The following RBM33 variants were observed in gnomAD, a reference collection of about 807,000 sequenced individuals.
The protein encoded by RBM33 is RNA binding motif protein 33, also known as RNA-binding protein 33.
In RBM33, 28 loss-of-function variants were observed where a neutral mutation model predicts 132.6. That is an observed-to-expected ratio of 0.21 (90% CI 0.16 to 0.29). The LOEUF is 0.29. Among genes scored for constraint, RBM33 ranks in the 10% least tolerant of loss-of-function variants. RBM33 has a pLI of 1.00. For synonymous variants in RBM33, 634 were observed against 593.0 expected (o/e 1.07, Z -1.01); for missense variants, 1,291 against 1,518.5 (o/e 0.85, Z 2.49).
chr7:155,707,254 C>G (rs1372214504), intron 7 of RBM33, 186 bp downstream of exon 7: 2 of 696,022 alleles, frequency 2.9e-6, no homozygotes, highest in African/African-American at 3.5e-5. Context: ...AAATTCAGCA[C>G]TCCAGTCATC....
At position 155,645,537 on chromosome 7, in the gene RBM33, A is replaced by G. The variant is rs114177262; in HGVS notation, c.43+618A>G. On this transcript the variant is annotated intron_variant, in intron 1 of 17. Coordinates refer to ENST00000401878, the MANE Select transcript of RBM33 (RefSeq NM_053043.3). Reference sequence around the variant, plus strand: ...TCTTCCAAAAGTGAAAACGTGACACAAAAGGTTTAGATACTGAGTCAGTTC... The same window carrying G: ...TCTTCCAAAAGTGAAAACGTGACACGAAAGGTTTAGATACTGAGTCAGTTC... 7.0e-3 allele frequency among the ~76,000 whole-genome samples: 1,068 copies of G among 152,356 alleles called. 18 individuals carry two copies. Among genetic ancestry groups the G allele is most frequent in the African/African-American group, 0.024 (1,005 of 41,580 alleles).
At chr7:155,696,110 CTGT>C (rs1799787486) in intron 5 of RBM33, among the ~76,000 whole-genome samples, 1 of 152,020 alleles carries the variant, frequency 6.6e-6, no homozygotes, top group Non-Finnish European at 1.5e-5. Context: ...TCTGTTGTTT[CTGT>C]TGTTTTTGTA....
chr7:155,656,375 A>AG (rs34838798), intron 1 of RBM33, among the ~76,000 whole-genome samples: 102,636 of 152,090 alleles, frequency 0.67, 35,036 homozygotes, highest in South Asian at 0.76. Context: ...TTAACATAAC[A>AG]GGTATGAAAT....
intron 9 of RBM33, among the ~76,000 whole-genome samples, chr7:155,731,857 A>C (rs1800965485): frequency 6.6e-6 from 1 of 152,212 alleles, no homozygotes; most frequent in African/African-American, 2.4e-5. Context: ...TTTTCTAAGA[A>C]ATGGAGTTTT....
chr7:155,685,996 A>G lies in RBM33; in HGVS notation c.567+5088A>G, dbSNP rs1799467247. 5.3e-5 allele frequency among the ~76,000 whole-genome samples: 8 copies of G among 152,334 alleles called. No individual in the cohort carries two copies. In the South Asian group the frequency reaches 1.7e-3, roughly 32 times the overall value. ...GTGTATGCTGTGCACATTACAAAAC[A>G]GAAGTACTTCTTGCACATACCCTTT... is the stretch of plus-strand genomic sequence containing the variant. On this transcript the variant is annotated intron_variant, in intron 5 of 17. Coordinates refer to ENST00000401878, the MANE Select transcript of RBM33 (RefSeq NM_053043.3).
intron 9 of RBM33, among the ~76,000 whole-genome samples, chr7:155,724,991 TGTGTG>T (rs1259451488): frequency 2.1e-4 from 11 of 51,568 alleles, no homozygotes; most frequent in African/African-American, 3.5e-4. Flanking sequence ...TGTACAGGTT[TGTGTG>T]TGTGTGTGTG....
chr7:155,762,166 C>T (rs1355512195), intron 14 of RBM33, among the ~76,000 whole-genome samples: 1 of 152,184 alleles, frequency 6.6e-6, no homozygotes, highest in African/African-American at 2.4e-5. Flanking sequence ...GAGAGCCCAT[C>T]TAGGCCTTCT....
intron 14 of RBM33, among the ~76,000 whole-genome samples, chr7:155,757,270 G>A (rs4716550): frequency 0.065 from 9,816 of 152,132 alleles, 478 homozygotes; most frequent in African/African-American, 0.14. Context: ...ATTCTAGTGT[G>A]AACTGGAGTA....
intron 2 of RBM33, among the ~76,000 whole-genome samples, chr7:155,670,172 G>A (rs10807653): frequency 0.74 from 112,648 of 152,188 alleles, 41,947 homozygotes; most frequent in South Asian, 0.8. Context: ...CTCATTGTCT[G>A]TAAGCTTTAA....
At chr7:155,740,280 T>C (rs1801287499) in intron 12 of RBM33, among the ~76,000 whole-genome samples, 1 of 152,234 alleles carries the variant, frequency 6.6e-6, no homozygotes, top group Non-Finnish European at 1.5e-5. Context: ...GCATCTTTCT[T>C]GTATCTAGAT....
intron 1 of RBM33, among the ~76,000 whole-genome samples, chr7:155,661,146 A>ATAT (rs1421586760): frequency 1.7e-4 from 14 of 81,188 alleles, no homozygotes; most frequent in African/African-American, 5.4e-4. Flanking sequence ...ATATATATAT[A>ATAT]TTTTTTTTTT....
chr7:155,722,287 G>C (rs916679130), intron 9 of RBM33, among the ~76,000 whole-genome samples: 3 of 152,134 alleles, frequency 2.0e-5, no homozygotes, highest in African/African-American at 7.2e-5. Flanking sequence ...TTCTGGTCTG[G>C]CCTCTTAACC....
chr7:155,676,870 C>T (rs1168467500), intron 3 of RBM33, among the ~76,000 whole-genome samples: 2 of 152,288 alleles, frequency 1.3e-5, no homozygotes, highest in South Asian at 4.1e-4. Context: ...GTTGAATAAT[C>T]CTCAAAGGAG....
intron 5 of RBM33, among the ~76,000 whole-genome samples, chr7:155,695,491 A>T (rs1435672566): frequency 6.6e-6 from 1 of 151,794 alleles, no homozygotes; most frequent in Non-Finnish European, 1.5e-5. Flanking sequence ...ACAGAGTCTC[A>T]CTCTGGCGCC....
At chr7:155,671,989 CAG>C (rs1186614187) in intron 2 of RBM33, among the ~76,000 whole-genome samples, 4 of 152,114 alleles carry the variant, frequency 2.6e-5, no homozygotes, top group African/African-American at 4.8e-5. Flanking sequence ...TCATTTAAAA[CAG>C]AAATATGCTA....
intron 3 of RBM33, among the ~76,000 whole-genome samples, chr7:155,673,409 T>G (rs7456961): frequency 0.023 from 284 of 12,122 alleles, 14 homozygotes; most frequent in Non-Finnish European, 0.053. Flanking sequence ...ATATTGTGTG[T>G]GTGTGTGTGT....
intron 16 of RBM33, among the ~76,000 whole-genome samples, chr7:155,772,117 AG>A (rs1242366537): frequency 6.6e-6 from 1 of 152,240 alleles, no homozygotes; most frequent in Non-Finnish European, 1.5e-5. Context: ...GCTCTGCTGC[AG>A]TATTGGCAGC....
chr7:155,718,853 G>T (rs1479253972), intron 9 of RBM33, among the ~76,000 whole-genome samples: 1 of 151,998 alleles, frequency 6.6e-6, no homozygotes, highest in Non-Finnish European at 1.5e-5. Context: ...GAGATCTCTT[G>T]TATTTTAAAA....
intron 9 of RBM33, among the ~76,000 whole-genome samples, chr7:155,719,895 T>C (rs1219660810): frequency 6.6e-6 from 1 of 152,240 alleles, no homozygotes; most frequent in Non-Finnish European, 1.5e-5. Flanking sequence ...TTTGTAAAAA[T>C]GTTTACTAAT....
Sources: allele counts gnomAD v4.1 joint callset (sites outside exome capture counted in the v4.1 genomes callset), GRCh38; gene constraint gnomAD v4.1.1; transcripts MANE v1.5; gene names NCBI Gene and HGNC (gene_info 2026-07-23, HGNC 2026-07-21).